TEPSIN: variants seen among roughly 807,000 people sequenced by gnomAD.
TEPSIN encodes AP-4 complex accessory subunit tepsin.
Under a neutral mutation model 48.5 loss-of-function variants are expected in TEPSIN, and 50 were observed. That is an observed-to-expected ratio of 1.03 (90% CI 0.82 to 1.31). The LOEUF is 1.31. Among genes scored for constraint, TEPSIN ranks in the 50% most tolerant of loss-of-function variants. TEPSIN has a pLI of 0.00. For synonymous variants in TEPSIN, 392 were observed against 358.8 expected, an observed-to-expected ratio of 1.09 and a Z score of -1.05; for missense variants, 838 against 815.9, an observed-to-expected ratio of 1.03 and a Z score of -0.33.
In TEPSIN at chr17:81,232,529, G is replaced by T; in HGVS notation, c.527-11C>A. The T allele has an allele frequency of 6.5e-7, 1 of 1,526,926 alleles. No individual in the cohort carries two copies. Among genetic ancestry groups the T allele is most frequent in the Non-Finnish European group, 8.8e-7 (1 of 1,141,090 alleles). 94.6% of individuals were successfully genotyped at this position (1,526,926 alleles called of 1,614,324 possible). A position where few individuals can be genotyped will look rare whatever the true frequency, so the allele number is the denominator to read the frequency against. On this transcript the variant is annotated splice_polypyrimidine_tract_variant and intron_variant, in intron 7 of 12. Transcript: ENST00000637944. ...CTTCGCCTGCCGAGCCTGTACCCGAGGAGAGGGAGATGGGACGGCCGCCCA... is the reference window on the plus strand; with the variant it reads ...CTTCGCCTGCCGAGCCTGTACCCGATGAGAGGGAGATGGGACGGCCGCCCA...
intron 11 of TEPSIN, 194 bp downstream of exon 11, chr17:81,231,202 TAC>T (rs771739943): frequency 9.8e-6 from 6 of 613,376 alleles, no homozygotes; most frequent in South Asian, 2.0e-5. Context: ...CACGAGTGTG[TAC>T]ACACACAGGC....
chr17:81,235,876 G>A (rs928510846), intron 4 of TEPSIN, among the ~76,000 whole-genome samples: 2 of 152,232 alleles, frequency 1.3e-5, no homozygotes, highest in Non-Finnish European at 2.9e-5. Context: ...AACACCTAGA[G>A]CTGCATGCCC....
chr17:81,231,619 G>A lies in TEPSIN; in HGVS notation c.978C>T (p.Arg326=), dbSNP rs151331201. ...GTGCCTCCTCGCGGCTCAGGAAGGC[G>A]CGTGGTCCCCGAGTCACAGTCCTCA... ...SLVRTVTRGP[R]AFLSREEAQH... The change falls in exon 10 of 13, where the codon CGC becomes CGT. Residue 326 remains arginine, a synonymous_variant. Transcript: ENST00000637944. 324 of 1,613,152 alleles carry A rather than the reference G, an allele frequency of 2.0e-4. No homozygotes were observed. In the African/African-American group the frequency reaches 2.6e-3, roughly 13 times the overall value.
chr17:81,234,086 G>A lies in TEPSIN; in HGVS notation c.308-38C>T. On this transcript the variant is annotated intron_variant, in intron 4 of 12. Coordinates refer to ENST00000637944, the MANE Select transcript of TEPSIN (RefSeq NM_001363764.2). The surrounding 1 kb of genome is among the most constrained non-coding windows in gnomAD (Gnocchi z 5.4). ...AAAGGCAAGTCGGGGGCAGGGCTGAGCCTGGCACCGCTGCTCCCTGTGGAG... is the reference window on the plus strand; with the variant it reads ...AAAGGCAAGTCGGGGGCAGGGCTGAACCTGGCACCGCTGCTCCCTGTGGAG... 2 of 1,533,812 alleles carry A rather than the reference G, an allele frequency of 1.3e-6. No homozygotes were observed. Among genetic ancestry groups the A allele is most frequent in the Non-Finnish European group, 1.7e-6 (2 of 1,143,366 alleles).
At position 81,233,814 on chromosome 17, in the gene TEPSIN, C is replaced by A; in HGVS notation, c.376-98G>T. The A allele has an allele frequency of 7.1e-7, 1 of 1,406,950 alleles. No individual in the cohort carries two copies. The highest frequency in any genetic ancestry group is 1.4e-5 in the South Asian group (1 of 72,564). 87.2% of individuals were successfully genotyped at this position (1,406,950 alleles called of 1,614,324 possible). On this transcript the variant is annotated intron_variant, in intron 5 of 12. Coordinates refer to ENST00000637944, the MANE Select transcript of TEPSIN (RefSeq NM_001363764.2). The surrounding 1 kb of genome is among the most constrained non-coding windows in gnomAD (Gnocchi z 5.8). The stretch of plus-strand genomic sequence containing the variant: ...GCTCCGTTCTGTCCCCCGGACACTT[C>A]TCCTGAGCCACTCAGCTGGACACAG...
In TEPSIN at chr17:81,231,892, T is replaced by G. The variant is rs1219064835; in HGVS notation, c.860A>C (p.Asp287Ala). The G allele has an allele frequency of 6.2e-7, 1 of 1,613,628 alleles. No individual in the cohort carries two copies. Among genetic ancestry groups the G allele is most frequent in the Admixed American group, 1.7e-5 (1 of 60,030 alleles). Reference sequence around the variant, plus strand: ...CTCCCGGCTGGCCCCTGAATGGCTGTCGCTGCCGGAATGACTGCCCGAGTC... The same window carrying G: ...CTCCCGGCTGGCCCCTGAATGGCTGGCGCTGCCGGAATGACTGCCCGAGTC... ...VSDSGSHSGS[D>A]SHSGASREPG... Residue 287 changes from aspartate (D) to alanine (A), a missense_variant, in exon 9 of 13, where the codon GAC becomes GCC. By Grantham distance (126) the Asp-to-Ala change is moderately radical (BLOSUM62 -2). Transcript: ENST00000637944.
chr17:81,229,935 A>G (rs1471282675), intron 12 of TEPSIN: 3 of 185,646 alleles, frequency 1.6e-5, no homozygotes, highest in Non-Finnish European at 3.3e-5. Context: ...AAGGTGAGCT[A>G]GCAGATGGCC....
intron 7 of TEPSIN, chr17:81,232,740 C>G (rs2062643044): frequency 7.3e-6 from 4 of 548,498 alleles, no homozygotes; most frequent in Non-Finnish European, 1.3e-5. Context: ...CCAAAGCTCA[C>G]TGCAGAGTTA....
At chr17:81,232,195 C>A in intron 8 of TEPSIN, 120 bp downstream of exon 8, 4 of 1,322,224 alleles carry the variant, frequency 3.0e-6, no homozygotes, top group Admixed American at 2.8e-5. Flanking sequence ...GCTTCCGCCG[C>A]GGGTCCCACC....
At position 81,231,659 on chromosome 17, in the gene TEPSIN, T is replaced by A. The variant is rs759454499; in HGVS notation, c.938A>T (p.Gln313Leu). ...CACAGTCCTCACCAAGCTCAACTCC[T>A]GCTGACAGTCACTCAGGGCCACCAC... ...VEVVALSDCQ[Q>L]ELSLVRTVTR... Residue 313 changes from glutamine (Q) to leucine (L), a missense_variant, in exon 10 of 13, where the codon CAG becomes CTG. By Grantham distance (113) the Gln-to-Leu change is moderately radical. Transcript: ENST00000637944. The A allele has an allele frequency of 4.2e-5, 68 of 1,612,956 alleles. No homozygotes were observed. Among genetic ancestry groups the A allele is most frequent in the Non-Finnish European group, 5.3e-5 (63 of 1,179,748 alleles).
In TEPSIN at chr17:81,234,202, G is replaced by A; in HGVS notation, c.308-154C>T. 3.4e-6 allele frequency: 2 copies of A among 587,516 alleles called. No homozygotes were observed. Among genetic ancestry groups the A allele is most frequent in the East Asian group, 3.3e-5 (1 of 30,280 alleles). 36.4% of individuals were successfully genotyped at this position (587,516 alleles called of 1,614,324 possible). A position where few individuals can be genotyped will look rare whatever the true frequency, so the allele number is the denominator to read the frequency against. ...ATGGGATGCCCTCCTCCAGGACCCTGCAGAGGCCACACCTGAGCAGACCCT... is the reference window on the plus strand; with the variant it reads ...ATGGGATGCCCTCCTCCAGGACCCTACAGAGGCCACACCTGAGCAGACCCT... On this transcript the variant is annotated intron_variant, in intron 4 of 12. Transcript: ENST00000637944. This position sits in a 1 kb window ranked among gnomAD's most constrained non-coding sequence, Gnocchi z 5.4.
intron 1 of TEPSIN, 133 bp from the exon 2 acceptor site, chr17:81,237,592 T>G: frequency 2.1e-6 from 2 of 936,754 alleles, no homozygotes; most frequent in South Asian, 3.4e-5. Flanking sequence ...TGGGAAGGGA[T>G]GAGAACTGTG....
rs1273888431 is a variant in TEPSIN at position 81,232,000 on chromosome 17, T to G, written c.752A>C (p.Gln251Pro). The G allele has an allele frequency of 6.2e-7, 1 of 1,610,590 alleles. No individual in the cohort carries two copies. Among genetic ancestry groups the G allele is most frequent in the Non-Finnish European group, 8.5e-7 (1 of 1,179,830 alleles). The change falls in exon 9 of 13, where the codon CAG becomes CCG. Residue 251 changes from glutamine (Q) to proline (P), a missense_variant. By Grantham distance (76) the Gln-to-Pro change is moderately conservative. Coordinates refer to ENST00000637944, the MANE Select transcript of TEPSIN (RefSeq NM_001363764.2). ...CAGCTCATCCCAGCCCCCTCCGGCC[T>G]GCCCAGGCTGATGCCTCACAGCTGG... Reference protein sequence around the residue: ...GPRAVRHQPGQAGGGWDELDS... With the variant: ...GPRAVRHQPGPAGGGWDELDS...
At chr17:81,238,510 T>C in intron 1 of TEPSIN, 1 of 679,338 alleles carries the variant, frequency 1.5e-6, no homozygotes, top group Non-Finnish European at 1.8e-6. Flanking sequence ...TAAGAGGGGC[T>C]TACAATGGTG....
At chr17:81,238,823 G>A (rs1376899478) in intron 1 of TEPSIN, 163 bp downstream of exon 1, 3 of 1,330,990 alleles carry the variant, frequency 2.3e-6, no homozygotes, top group South Asian at 2.0e-5. Context: ...GGGACGGCGC[G>A]GCGGGCGGGC....
rs200488347 is a variant in TEPSIN, at chr17:81,233,693, C to T, written c.399G>A (p.Ser133=). 79 of 1,600,136 alleles carry T rather than the reference C, an allele frequency of 4.9e-5. No homozygotes were observed. Among genetic ancestry groups the T allele is most frequent in the Admixed American group, 3.9e-4 (22 of 56,838 alleles). The change falls in exon 6 of 13, where the codon TCG becomes TCA. Residue 133 remains serine, a synonymous_variant. Coordinates refer to ENST00000637944, the MANE Select transcript of TEPSIN (RefSeq NM_001363764.2). This position sits in a 1 kb window ranked among gnomAD's most constrained non-coding sequence, Gnocchi z 5.8. ...AGGGAGCCAGCGGCAACACGGTGTC[C>T]GAGAACAGGGTGCTCCCCAAGTCCT... is the stretch of plus-strand genomic sequence containing the variant. ...AAQDLGSTLF[S]DTVLPLAPSQ...
rs1033749807 is a variant in TEPSIN at position 81,228,835 on chromosome 17, G to A, written c.*93C>T. On this transcript the variant is annotated 3_prime_UTR_variant, in exon 13 of 13. Coordinates refer to ENST00000637944, the MANE Select transcript of TEPSIN (RefSeq NM_001363764.2). Reference sequence around the variant, plus strand: ...TCGTCCTCTCAAGTCAAGCTGCCTGGAGACTGTAGCAGCTACGGTTGAGGC... The same window carrying A: ...TCGTCCTCTCAAGTCAAGCTGCCTGAAGACTGTAGCAGCTACGGTTGAGGC... The A allele has an allele frequency of 1.6e-4, 239 of 1,495,680 alleles. 2 individuals carry two copies. In the South Asian group the frequency reaches 2.3e-3, roughly 14 times the overall value. The allele number at this position is 1,495,680 out of a possible 1,614,324, so 92.7% of individuals were successfully genotyped here. A position where few individuals can be genotyped will look rare whatever the true frequency, so the allele number is the denominator to read the frequency against.
At chr17:81,236,656 C>T in intron 4 of TEPSIN, 52 bp downstream of exon 4, 13 of 1,517,614 alleles carry the variant, frequency 8.6e-6, no homozygotes, top group Non-Finnish European at 1.2e-5. Flanking sequence ...CGCCACCCTC[C>T]CCCATTCTCC....
At chr17:81,237,609 G>C in intron 1 of TEPSIN, 150 bp from the exon 2 acceptor site, 1 of 792,410 alleles carries the variant, frequency 1.3e-6, no homozygotes, top group Non-Finnish European at 2.0e-6. Flanking sequence ...TGTGCTACTG[G>C]CCACAGGGAG....
Sources: allele counts gnomAD v4.1 joint callset (sites outside exome capture counted in the v4.1 genomes callset), GRCh38; gene constraint gnomAD v4.1.1; non-coding constraint Gnocchi (gnomAD v3.1); transcripts MANE v1.5; gene names NCBI Gene and HGNC (gene_info 2026-07-23, HGNC 2026-07-21).